BTBD9: variants seen among roughly 807,000 people sequenced by gnomAD.
The protein encoded by BTBD9 is BTB domain containing 9.
A neutral mutation model predicts 64.3 loss-of-function variants in BTBD9; 49 were observed. The observed-to-expected ratio is 0.76, with a 90% confidence interval of 0.61 to 0.97. BTBD9 has a LOEUF of 0.97. Ranked by LOEUF, BTBD9 falls within the 50% of genes least tolerant of loss-of-function variation. The pLI is 0.00. For missense variants in BTBD9, 598 were observed against 762.1 expected (o/e 0.78, Z 2.53); for synonymous variants, 260 against 274.7 (o/e 0.95, Z 0.53).
intron 6 of BTBD9, among the ~76,000 whole-genome samples, chr6:38,532,396 G>T (rs1299635777): frequency 1.3e-5 from 2 of 152,168 alleles, no homozygotes; most frequent in Non-Finnish European, 2.9e-5. Context: ...GTGAGTTCTA[G>T]TGCTGAACTG....
chr6:38,430,586 G>A (rs1028396464), intron 6 of BTBD9, among the ~76,000 whole-genome samples: 3 of 151,932 alleles, frequency 2.0e-5, no homozygotes, highest in African/African-American at 7.3e-5. Context: ...CATGATCACA[G>A]CTCATTGCAG....
intron 9 of BTBD9, among the ~76,000 whole-genome samples, chr6:38,219,874 G>A (rs1763140372): frequency 6.6e-6 from 1 of 152,170 alleles, no homozygotes; most frequent in African/African-American, 2.4e-5. Flanking sequence ...CCTCTCCAAA[G>A]AGCTGGATAA....
chr6:38,531,715 T>C (rs1239684755), intron 6 of BTBD9, among the ~76,000 whole-genome samples: 1 of 152,216 alleles, frequency 6.6e-6, no homozygotes, highest in Admixed American at 6.5e-5. Context: ...AATTAAAGTG[T>C]AGAGTTTTTA....
intron 6 of BTBD9, among the ~76,000 whole-genome samples, chr6:38,531,205 G>GA (rs1773784357): frequency 6.6e-6 from 1 of 152,140 alleles, no homozygotes; most frequent in South Asian, 2.1e-4. Context: ...GATAAAGAAA[G>GA]AAACAACATT....
At chr6:38,201,482 C>T in intron 9 of BTBD9, among the ~76,000 whole-genome samples, 1 of 152,146 alleles carries the variant, frequency 6.6e-6, no homozygotes, top group Non-Finnish European at 1.5e-5. Flanking sequence ...CCATAGCTAA[C>T]ATCGTACTGA....
chr6:38,288,849 C>T (rs112168755), intron 7 of BTBD9, among the ~76,000 whole-genome samples: 3 of 152,154 alleles, frequency 2.0e-5, no homozygotes, highest in African/African-American at 4.8e-5. Flanking sequence ...ATTGCTTGAA[C>T]CTGGGAGGCA....
intron 6 of BTBD9, among the ~76,000 whole-genome samples, chr6:38,437,108 C>A (rs1768778031): frequency 6.6e-6 from 1 of 152,088 alleles, no homozygotes; most frequent in Admixed American, 6.6e-5. Context: ...TTACAATAAA[C>A]CTAAGGCTTA....
At position 38,411,089 on chromosome 6, in the gene BTBD9, G is replaced by C. The variant is rs1267917566; in HGVS notation, c.1155-65996C>G. On this transcript the variant is annotated intron_variant, in intron 6 of 10. Transcript: ENST00000481247. ...ACATGCATAAAAAAGAACATGGCATGAAAGTAGACTTGCACGCCGTGTTCT... is the reference window on the plus strand; with the variant it reads ...ACATGCATAAAAAAGAACATGGCATCAAAGTAGACTTGCACGCCGTGTTCT... 2.6e-5 allele frequency among the ~76,000 whole-genome samples: 4 copies of C among 152,234 alleles called. No homozygotes were observed. The East Asian group carries it at 5.8e-4, about 22-fold the overall frequency.
rs570050346 is a variant in BTBD9 at position 38,232,363 on chromosome 6, C to T, written c.1562+24046G>A. ...TCAGCTCACTGCAAGCTCTGCCTCC[C>T]GGGTTCACGCCATTCTCCTGCCTCA... On this transcript the variant is annotated intron_variant, in intron 9 of 10. Transcript: ENST00000481247. 4.0e-5 allele frequency among the ~76,000 whole-genome samples: 6 copies of T among 151,874 alleles called. No homozygotes were observed. In the East Asian group the frequency reaches 5.8e-4, roughly 15 times the overall value.
chr6:38,447,820 A>G (rs1225086285), intron 6 of BTBD9, among the ~76,000 whole-genome samples: 1 of 152,208 alleles, frequency 6.6e-6, no homozygotes, highest in Non-Finnish European at 1.5e-5. Flanking sequence ...TCATCTTAAC[A>G]TGATTGATAT....
chr6:38,561,733 AG>A (rs1775272621), intron 6 of BTBD9, among the ~76,000 whole-genome samples: 1 of 152,186 alleles, frequency 6.6e-6, no homozygotes, highest in South Asian at 2.1e-4. Context: ...GGAGCTAAAC[AG>A]TGGGTACATA....
rs560521892 is a variant in BTBD9 at position 38,442,624 on chromosome 6, A to G, written c.1155-97531T>C. ...ACAGATGTCCCTCCTGTGAAGAAGG[A>G]AAGTTGGAGGTCATATAGAACAGAC... is the stretch of plus-strand genomic sequence containing the variant. On this transcript the variant is annotated intron_variant, in intron 6 of 10. Coordinates refer to ENST00000481247, the MANE Select transcript of BTBD9 (RefSeq NM_001099272.2). Among the ~76,000 whole-genome samples the G allele has an allele frequency of 4.6e-5, 7 of 151,430 alleles. No homozygotes were observed. In the East Asian group the frequency reaches 1.2e-3, roughly 25 times the overall value.
rs1468972879 is a variant in BTBD9, at chr6:38,374,297, G to GTATATA, written c.1155-29210_1155-29205dup. 5.4e-4 allele frequency among the ~76,000 whole-genome samples: 29 copies of GTATATA among 53,676 alleles called. 1 individual carries two copies. Among genetic ancestry groups the GTATATA allele is most frequent in the African/African-American group, 2.3e-3 (26 of 11,292 alleles). 35.2% of individuals were successfully genotyped at this position (53,676 alleles called of 152,430 possible). On this transcript the variant is annotated intron_variant, in intron 6 of 10. Coordinates refer to ENST00000481247, the MANE Select transcript of BTBD9 (RefSeq NM_001099272.2). Reference sequence around the variant, plus strand: ...AAAAAAAAAAAGTATATATATATATGTATATATATGTATATATATATATAT... The same window carrying GTATATA: ...AAAAAAAAAAAGTATATATATATATGTATATATATATATATGTATATATATATATAT...
chr6:38,486,703 T>C (rs1429722234), intron 6 of BTBD9, among the ~76,000 whole-genome samples: 3 of 152,186 alleles, frequency 2.0e-5, no homozygotes, highest in Non-Finnish European at 4.4e-5. Flanking sequence ...CTACAATAGA[T>C]ATAATAATAA....
At chr6:38,584,876 C>A (rs1002263863) in intron 4 of BTBD9, among the ~76,000 whole-genome samples, 1 of 152,078 alleles carries the variant, frequency 6.6e-6, no homozygotes, top group African/African-American at 2.4e-5. Context: ...TACTGGCACT[C>A]AAACATACCA....
At chr6:38,261,102 G>A (rs922277021) in intron 8 of BTBD9, among the ~76,000 whole-genome samples, 2 of 151,776 alleles carry the variant, frequency 1.3e-5, no homozygotes, top group African/African-American at 4.8e-5. Flanking sequence ...ACCACGCCCA[G>A]CTGATATTTT....
At chr6:38,545,240 T>G (rs1774480455) in intron 6 of BTBD9, among the ~76,000 whole-genome samples, 1 of 151,982 alleles carries the variant, frequency 6.6e-6, no homozygotes, top group African/African-American at 2.4e-5. Context: ...TACAGGCATG[T>G]GCCACCACAA....
chr6:38,425,733 C>T (rs1261374432), intron 6 of BTBD9, among the ~76,000 whole-genome samples: 1 of 150,450 alleles, frequency 6.6e-6, no homozygotes, highest in Non-Finnish European at 1.5e-5. Flanking sequence ...CACAGTGAGA[C>T]CCCATCACTA....
intron 5 of BTBD9, among the ~76,000 whole-genome samples, chr6:38,579,993 T>C (rs748812456): frequency 1.3e-5 from 2 of 152,258 alleles, no homozygotes; most frequent in Non-Finnish European, 2.9e-5. Context: ...ATATTTTCTA[T>C]GGTTTCTACA....
Sources: gnomAD v4.1 joint callset for allele counts (sites outside exome capture counted in the v4.1 genomes callset) on GRCh38, gnomAD v4.1.1 for gene constraint, MANE v1.5 for transcripts, NCBI Gene and HGNC (gene_info 2026-07-23, HGNC 2026-07-21) for gene names.